CAMK2A: variants seen among roughly 807,000 people sequenced by gnomAD.
CAMK2A encodes calcium/calmodulin-dependent protein kinase type II subunit alpha.
Under a neutral mutation model 79.2 loss-of-function variants are expected in CAMK2A, and 7 were observed. The observed-to-expected ratio is 0.09, with a 90% CI of 0.05 to 0.17. CAMK2A has a LOEUF of 0.17. Among genes scored for constraint, CAMK2A ranks in the 10% least tolerant of loss-of-function variants. The probability of loss-of-function intolerance (pLI) is 1.00; values close to 1 mark genes in which losing one functional copy is unlikely to be tolerated. For synonymous variants in CAMK2A, 242 were observed against 251.7 expected (o/e 0.96, Z 0.36); for missense variants, 214 against 646.4 (o/e 0.33, Z 7.25).
intron 15 of CAMK2A, among the ~76,000 whole-genome samples, chr5:150,231,674 G>A (rs1405940917): frequency 6.6e-6 from 1 of 150,528 alleles, no homozygotes; most frequent in African/African-American, 2.4e-5. Context: ...CAGTGTCTCT[G>A]TTGGCGGTCT....
At chr5:150,283,347 G>A (rs1167998647) in intron 1 of CAMK2A, among the ~76,000 whole-genome samples, 2 of 152,102 alleles carry the variant, frequency 1.3e-5, no homozygotes, top group Non-Finnish European at 1.5e-5. Context: ...CTTCCCTCTG[G>A]TTAACTCTTC....
At chr5:150,241,309 G>T (rs77337789) in intron 13 of CAMK2A, among the ~76,000 whole-genome samples, 3,206 of 151,456 alleles carry the variant, frequency 0.021, 130 homozygotes, top group African/African-American at 0.072. Context: ...TCATCTCCCC[G>T]ATTCCCTTCC....
intron 11 of CAMK2A, among the ~76,000 whole-genome samples, chr5:150,248,032 C>A (rs994620975): frequency 6.6e-6 from 1 of 152,182 alleles, no homozygotes; most frequent in Non-Finnish European, 1.5e-5. Flanking sequence ...TAGGCTTTAG[C>A]CAGTACAGCT....
chr5:150,228,259 G>A lies in CAMK2A; in HGVS notation c.1170C>T (p.Ala390=). 1 of 1,614,010 alleles carries A rather than the reference G, an allele frequency of 6.2e-7. No homozygotes were observed. Among genetic ancestry groups the A allele is most frequent in the Non-Finnish European group, 8.5e-7 (1 of 1,179,952 alleles). ...GGTTCCCCAGGGCCTCAGGTTCGAAGGCTGTCATGCCAGGGTCGCACATCT... is the reference window on the plus strand; with the variant it reads ...GGTTCCCCAGGGCCTCAGGTTCGAAAGCTGTCATGCCAGGGTCGCACATCT... ...YTKMCDPGMT[A]FEPEALGNLV... The change falls in exon 17 of 19, where the codon GCC becomes GCT. Residue 390 remains alanine, a synonymous_variant. Transcript: ENST00000671881.
At chr5:150,271,606 C>T (rs1042945070) in intron 2 of CAMK2A, among the ~76,000 whole-genome samples, 1 of 152,208 alleles carries the variant, frequency 6.6e-6, no homozygotes, top group African/African-American at 2.4e-5. Context: ...CTGCACAAAC[C>T]ATGGATTGTA....
chr5:150,243,172 C>T (rs1159265335), intron 13 of CAMK2A, among the ~76,000 whole-genome samples: 3 of 152,190 alleles, frequency 2.0e-5, no homozygotes, highest in Admixed American at 2.0e-4. Context: ...GGAGGCCTCT[C>T]CTGACCCCTT....
At chr5:150,248,050 C>T (rs1755651786) in intron 11 of CAMK2A, among the ~76,000 whole-genome samples, 1 of 152,170 alleles carries the variant, frequency 6.6e-6, no homozygotes, top group African/African-American at 2.4e-5. Context: ...GCTCCTGGGA[C>T]AAGGCCGTCC....
chr5:150,222,391 C>G lies in CAMK2A; in HGVS notation c.*319G>C. The G allele has an allele frequency of 1.6e-6, 1 of 641,540 alleles. No homozygotes were observed. The highest frequency in any genetic ancestry group is 2.8e-6 in the Non-Finnish European group (1 of 352,304). 39.7% of individuals were successfully genotyped at this position (641,540 alleles called of 1,614,324 possible). A position where few individuals can be genotyped will look rare whatever the true frequency, so the allele number is the denominator to read the frequency against. On this transcript the variant is annotated 3_prime_UTR_variant, in exon 19 of 19. Transcript: ENST00000671881. Reference sequence around the variant, plus strand: ...GCACCAGCCCGGGCATTCTAGCCTACAGCCCAAGACAGATCAGGCGGACAG... The same window carrying G: ...GCACCAGCCCGGGCATTCTAGCCTAGAGCCCAAGACAGATCAGGCGGACAG...
intron 2 of CAMK2A, among the ~76,000 whole-genome samples, chr5:150,271,208 C>G (rs1756733555): frequency 6.6e-6 from 1 of 152,198 alleles, no homozygotes; most frequent in African/African-American, 2.4e-5. Flanking sequence ...GCATTCCTGC[C>G]CACCCTGTCT....
intron 1 of CAMK2A, among the ~76,000 whole-genome samples, chr5:150,276,532 C>G (rs1756952870): frequency 6.6e-6 from 1 of 152,182 alleles, no homozygotes; most frequent in African/African-American, 2.4e-5. Flanking sequence ...GGTGCCCACC[C>G]TACCCAGGCA....
chr5:150,239,815 G>A, intron 13 of CAMK2A, 79 bp from the exon 14 acceptor site: 1 of 1,256,656 alleles, frequency 8.0e-7, no homozygotes, highest in Non-Finnish European at 1.2e-6. Flanking sequence ...CGACAGGGGA[G>A]GTTTGGGAGG....
chr5:150,283,632 G>T (rs887778965), intron 1 of CAMK2A, among the ~76,000 whole-genome samples: 2 of 152,120 alleles, frequency 1.3e-5, no homozygotes, highest in Non-Finnish European at 2.9e-5. Flanking sequence ...AACTAATCGA[G>T]GTCTCTTTGC....
In CAMK2A at chr5:150,261,068, C is replaced by CA. The variant is rs1756286034; in HGVS notation, c.218-3452dup. On this transcript the variant is annotated intron_variant, in intron 3 of 18. Transcript: ENST00000671881. ...AGATCTACCCTCTGACCCAGGGCCT[C>CA]AGCCCCTTTAGAGAATGTCCTCAGG... Among the ~76,000 whole-genome samples the CA allele has an allele frequency of 2.0e-5, 3 of 146,438 alleles. No individual in the cohort carries two copies. The South Asian group carries it at 6.4e-4, about 31-fold the overall frequency.
chr5:150,256,678 T>C lies in CAMK2A; in HGVS notation c.339-33A>G. ...GAGAGAGAGGAAGGGGTCATGGTGG[T>C]GTGAGCACAGGCCTCCCCTGGGAAG... On this transcript the variant is annotated intron_variant, in intron 5 of 18. Coordinates refer to ENST00000671881, the MANE Select transcript of CAMK2A (RefSeq NM_015981.4). The surrounding 1 kb of genome is among the most constrained non-coding windows in gnomAD (Gnocchi z 4.6). The C allele has an allele frequency of 1.2e-6, 2 of 1,610,884 alleles. No individual in the cohort carries two copies. The highest frequency in any genetic ancestry group is 1.1e-5 in the South Asian group (1 of 90,992).
intron 10 of CAMK2A, among the ~76,000 whole-genome samples, 183 bp downstream of exon 10, chr5:150,250,505 G>T (rs1025812185): frequency 1.3e-5 from 2 of 152,222 alleles, no homozygotes; most frequent in Admixed American, 6.5e-5. Context: ...ACCATCAGTT[G>T]TATGCCAACC....
intron 7 of CAMK2A, among the ~76,000 whole-genome samples, chr5:150,252,538 T>C (rs1372122474): frequency 4.6e-5 from 7 of 152,204 alleles, no homozygotes; most frequent in Admixed American, 4.6e-4. Flanking sequence ...TAACTGACTT[T>C]GCCCCTTGGG....
Position 150,277,823 on chromosome 5 carries a change from C to T in CAMK2A, c.63-4664G>A, listed in dbSNP as rs191835158. ...TCAAATATACATTCACCACTAAGCACCCTTTTGATCCTCACAGCAATCCTG... is the reference window on the plus strand; with the variant it reads ...TCAAATATACATTCACCACTAAGCATCCTTTTGATCCTCACAGCAATCCTG... On this transcript the variant is annotated intron_variant, in intron 1 of 18. Transcript: ENST00000671881. 2.6e-4 allele frequency among the ~76,000 whole-genome samples: 39 copies of T among 152,308 alleles called. 1 individual carries two copies. In the East Asian group the frequency reaches 7.3e-3, roughly 29 times the overall value.
At chr5:150,270,682 G>T (rs1756712636) in intron 2 of CAMK2A, among the ~76,000 whole-genome samples, 1 of 152,098 alleles carries the variant, frequency 6.6e-6, no homozygotes, top group Non-Finnish European at 1.5e-5. Flanking sequence ...AAGAAAAGCG[G>T]CTGGCAGTTG....
intron 17 of CAMK2A, among the ~76,000 whole-genome samples, chr5:150,227,291 C>A (rs2114019568): frequency 6.6e-6 from 1 of 152,154 alleles, no homozygotes; most frequent in East Asian, 1.9e-4. Context: ...AGGCTAGCAC[C>A]CAGCAGAGTC....
Sources: gnomAD v4.1 joint callset for allele counts (sites outside exome capture counted in the v4.1 genomes callset) on GRCh38, gnomAD v4.1.1 for gene constraint, Gnocchi (gnomAD v3.1) non-coding constraint, MANE v1.5 for transcripts, NCBI Gene and HGNC (gene_info 2026-07-23, HGNC 2026-07-21) for gene names.